The following ODF2 variants were observed in gnomAD, a reference collection of about 807,000 sequenced individuals.
The protein encoded by ODF2 is outer dense fiber protein 2.
In ODF2, 47 loss-of-function variants were observed where a neutral mutation model predicts 110.2. That is an observed-to-expected ratio of 0.43 (90% CI 0.34 to 0.54). The LOEUF is 0.54. ODF2 is among the 20% of genes least tolerant of loss of function. ODF2 has a pLI of 0.03. For missense variants in ODF2, 812 were observed against 1,054.5 expected (o/e 0.77, Z 3.19); for synonymous variants, 352 against 397.7 (o/e 0.89, Z 1.37).
At chr9:128,498,298 T>G in intron 18 of ODF2, 115 bp from the exon 19 acceptor site, 1 of 1,387,028 alleles carries the variant, frequency 7.2e-7, no homozygotes, top group Non-Finnish European at 9.4e-7. Context: ...TGTGGCTCCT[T>G]GGAGATTCTT....
chr9:128,481,915 C>T (rs7853988), intron 9 of ODF2, among the ~76,000 whole-genome samples: 1,605 of 152,192 alleles, frequency 0.011, 34 homozygotes, highest in African/African-American at 0.036. Flanking sequence ...GTAAATCATC[C>T]GTGTCTGTTA....
At position 128,484,715 on chromosome 9, in the gene ODF2, C is replaced by T. The variant is rs148664412; in HGVS notation, c.1119C>T (p.Ser373=). The change falls in exon 12 of 21, where the codon AGC becomes AGT. Residue 373 remains serine (S), a synonymous_variant. Coordinates refer to ENST00000604420, the Ensembl canonical transcript of ODF2. ...CCCCCTTCCAGAATCTGGAGCGCAG[C>T]GGGAATCAGCATAAGGCAGAAGTGG... 2.5e-5 allele frequency: 40 copies of T among 1,571,428 alleles called. 1 individual carries two copies. The highest frequency in any genetic ancestry group is 5.8e-5 in the South Asian group (5 of 85,674).
At chr9:128,455,945 C>T, upstream of ODF2, 1 of 1,404,484 alleles carries the variant, frequency 7.1e-7, no homozygotes. Flanking sequence ...GCCAGGCCCG[C>T]TGGACGCGTA....
At chr9:128,487,032 T>C (rs965498414) in intron 13 of ODF2, among the ~76,000 whole-genome samples, 1 of 152,166 alleles carries the variant, frequency 6.6e-6, no homozygotes, top group Non-Finnish European at 1.5e-5. Context: ...AAAGGGTATC[T>C]TGGCCTTATG....
intron 19 of ODF2, 77 bp from the exon 20 acceptor site, chr9:128,498,924 T>C (rs752036533): frequency 4.4e-6 from 7 of 1,584,134 alleles, no homozygotes; most frequent in Non-Finnish European, 5.2e-6. Context: ...GACCAGATAG[T>C]GGGCCCAGCC....
At chr9:128,457,955 T>TTTC (rs36069279) in intron 2 of ODF2, among the ~76,000 whole-genome samples, 1 of 148,866 alleles carries the variant, frequency 6.7e-6, no homozygotes, top group Non-Finnish European at 1.5e-5. Flanking sequence ...TTTTTTTTTT[T>TTTC]CCCCTCTTTT....
intron 5 of ODF2, among the ~76,000 whole-genome samples, chr9:128,469,732 C>T (rs762383226): frequency 4.0e-5 from 6 of 151,864 alleles, no homozygotes; most frequent in South Asian, 2.1e-4. Flanking sequence ...TGGTGGCTCA[C>T]GCCTGTAATC....
At chr9:128,491,652 A>T (rs1844583159) in intron 14 of ODF2, among the ~76,000 whole-genome samples, 1 of 151,780 alleles carries the variant, frequency 6.6e-6, no homozygotes, top group Non-Finnish European at 1.5e-5. Context: ...TGACAGAGCG[A>T]GACTCCATCT....
chr9:128,471,314 A>T, exon 6 of ODF2: 3 of 1,608,604 alleles, frequency 1.9e-6, no homozygotes, highest in Non-Finnish European at 2.5e-6. Context: ...TCAGGTCAAG[A>T]TGCAAAAAGG....
chr9:128,483,022 A>C (rs1009647791), intron 10 of ODF2, 135 bp downstream of exon 10: 208 of 671,334 alleles, frequency 3.1e-4, no homozygotes, highest in Non-Finnish European at 4.9e-4. Flanking sequence ...CAGCCTCCCG[A>C]GTAGCTGGGA....
chr9:128,455,877 T>G, upstream of ODF2: 2 of 1,139,138 alleles, frequency 1.8e-6, no homozygotes, highest in Non-Finnish European at 2.3e-6. Context: ...TCCGGGAGGA[T>G]CCAAGGCAGG....
intron 4 of ODF2, among the ~76,000 whole-genome samples, chr9:128,466,676 T>A (rs573828210): frequency 2.3e-3 from 349 of 148,642 alleles, no homozygotes; most frequent in African/African-American, 7.3e-3. Flanking sequence ...TTTGTCATTT[T>A]AAAAAATATA....
Position 128,485,791 on chromosome 9 carries a change from T to C in ODF2, c.1400+317T>C, listed in dbSNP as rs1305921057. On this transcript the variant is annotated intron_variant, in intron 13 of 20. Transcript: ENST00000604420. The surrounding 1 kb of genome is among the most constrained non-coding windows in gnomAD (Gnocchi z 5.0). ...TCCTCAGTCTACACAGCATTTGAAATGGGCACCGTGGTGTCCTCATTCCTA... is the reference window on the plus strand; with the variant it reads ...TCCTCAGTCTACACAGCATTTGAAACGGGCACCGTGGTGTCCTCATTCCTA... Among the ~76,000 whole-genome samples the C allele has an allele frequency of 2.0e-5, 3 of 152,138 alleles. No homozygotes were observed. Among genetic ancestry groups the C allele is most frequent in the Non-Finnish European group, 4.4e-5 (3 of 68,022 alleles).
At chr9:128,473,819 G>T in intron 8 of ODF2, 78 bp downstream of exon 8, 1 of 1,418,684 alleles carries the variant, frequency 7.0e-7, no homozygotes, top group Non-Finnish European at 9.8e-7. Context: ...TCTGTAAAAA[G>T]AAAATAAGAT....
chr9:128,462,775 G>T (rs1183907355), intron 4 of ODF2, among the ~76,000 whole-genome samples: 2 of 151,330 alleles, frequency 1.3e-5, no homozygotes, highest in East Asian at 3.9e-4. Context: ...AATTTTTTAT[G>T]GTAGAGACGG....
chr9:128,498,480 A>G (rs769542426), exon 19 of ODF2: 35 of 1,613,538 alleles, frequency 2.2e-5, no homozygotes, highest in Non-Finnish European at 1.7e-6. Flanking sequence ...GGAGGAGGCA[A>G]TCCACCAGTC....
chr9:128,456,745 G>T (rs1037932772), intron 1 of ODF2: 2 of 975,792 alleles, frequency 2.0e-6, no homozygotes, highest in South Asian at 4.8e-5. Context: ...GGCTTGCCAG[G>T]GCCCTCGCCC....
At chr9:128,462,692 C>T (rs753192629) in intron 4 of ODF2, among the ~76,000 whole-genome samples, 11 of 151,992 alleles carry the variant, frequency 7.2e-5, no homozygotes, top group South Asian at 2.1e-4. Flanking sequence ...CTCCGCCTCC[C>T]GGGTTCACAC....
intron 5 of ODF2, 106 bp from the exon 6 acceptor site, chr9:128,471,202 C>T: frequency 8.3e-7 from 1 of 1,200,214 alleles, no homozygotes; most frequent in African/African-American, 1.6e-5. Flanking sequence ...GCGTGAGCCA[C>T]CACGCCCGGC....
Sources: allele counts gnomAD v4.1 joint callset (sites outside exome capture counted in the v4.1 genomes callset), GRCh38; gene constraint gnomAD v4.1.1; non-coding constraint Gnocchi (gnomAD v3.1); transcripts MANE v1.5; gene names NCBI Gene and HGNC (gene_info 2026-07-23, HGNC 2026-07-21).